The following NDRG3 variants were observed in gnomAD, a reference collection of about 807,000 sequenced individuals.
NDRG3 encodes NDRG family member 3, also known as protein NDRG3.
NDRG3 carries 23 observed loss-of-function variants against 57.2 expected under a neutral mutation model. The ratio of observed to expected loss-of-function variants is 0.40; its 90% CI spans 0.29 to 0.57. The LOEUF (loss-of-function observed/expected upper bound fraction) is 0.57. NDRG3 is among the 20% of genes least tolerant of loss of function. The probability of loss-of-function intolerance (pLI) is 0.42; values close to 1 mark genes in which losing one functional copy is unlikely to be tolerated. For synonymous variants in NDRG3, 132 were observed against 162.6 expected, an observed-to-expected ratio of 0.81 and a Z score of 1.43; for missense variants, 384 against 457.3, an observed-to-expected ratio of 0.84 and a Z score of 1.46.
intron 3 of NDRG3, among the ~76,000 whole-genome samples, chr20:36,704,519 T>C (rs947599559): frequency 6.6e-5 from 10 of 152,182 alleles, no homozygotes; most frequent in African/African-American, 2.2e-4. Flanking sequence ...CTCTCTAATG[T>C]TTTCCTTCTT....
intron 3 of NDRG3, 58 bp downstream of exon 3, chr20:36,706,910 CAGGA>C: frequency 1.4e-6 from 2 of 1,432,828 alleles, no homozygotes; most frequent in Non-Finnish European, 1.9e-6. Context: ...ACCACCACCA[CAGGA>C]AAGGAAACAC....
chr20:36,690,220 C>A (rs1180369028), intron 3 of NDRG3, among the ~76,000 whole-genome samples: 1 of 152,236 alleles, frequency 6.6e-6, no homozygotes, highest in East Asian at 1.9e-4. Flanking sequence ...CCTAAAAGAT[C>A]TTAACCAAGC....
intron 3 of NDRG3, among the ~76,000 whole-genome samples, chr20:36,706,626 C>A (rs1983563773): frequency 6.6e-6 from 1 of 152,168 alleles, no homozygotes; most frequent in Non-Finnish European, 1.5e-5. Context: ...GCCTCAGCCT[C>A]CTGAGTAGCT....
chr20:36,688,666 A>C lies in NDRG3; in HGVS notation c.199+13T>G. ...GTATGATAAGAAGGGAAGGTGTAAAATAAAATACATACGGTTGAGGCCAAT... is the reference window on the plus strand; with the variant it reads ...GTATGATAAGAAGGGAAGGTGTAAACTAAAATACATACGGTTGAGGCCAAT... On this transcript the variant is annotated intron_variant, in intron 4 of 15. Coordinates refer to ENST00000349004, the MANE Select transcript of NDRG3 (RefSeq NM_032013.4). 1 of 1,576,126 alleles carries C rather than the reference A, an allele frequency of 6.3e-7. No individual in the cohort carries two copies. The highest frequency in any genetic ancestry group is 8.7e-7 in the Non-Finnish European group (1 of 1,145,520).
chr20:36,677,098 A>G (rs1180340420), intron 8 of NDRG3, among the ~76,000 whole-genome samples: 22 of 152,130 alleles, frequency 1.4e-4, no homozygotes, highest in Non-Finnish European at 2.5e-4. Flanking sequence ...GGCTCCGGGA[A>G]GCGAGCAGGA....
intron 8 of NDRG3, among the ~76,000 whole-genome samples, chr20:36,672,541 A>G (rs982240399): frequency 6.6e-6 from 1 of 152,200 alleles, no homozygotes; most frequent in African/African-American, 2.4e-5. Flanking sequence ...GAACTATAGA[A>G]AAGTAGGCTG....
At chr20:36,733,164 AAAAAAAAATATATAT>A (rs1383646919) in intron 1 of NDRG3, among the ~76,000 whole-genome samples, 11 of 51,384 alleles carry the variant, frequency 2.1e-4, no homozygotes, top group South Asian at 8.4e-4. Flanking sequence ...AAAAAAAAAA[AAAAAAAAATATATAT>A]ATATATATAT....
At chr20:36,706,864 CATT>C in intron 3 of NDRG3, 105 bp downstream of exon 3, 4 of 925,882 alleles carry the variant, frequency 4.3e-6, no homozygotes, top group Non-Finnish European at 6.7e-6. Context: ...ATTAAGGACT[CATT>C]ATTAGCTATA....
chr20:36,686,815 G>C (rs886993353), intron 5 of NDRG3, among the ~76,000 whole-genome samples: 1 of 152,192 alleles, frequency 6.6e-6, no homozygotes, highest in African/African-American at 2.4e-5. Context: ...AGCTCAGAGA[G>C]ATCTGAATTT....
At position 36,685,292 on chromosome 20, in the gene NDRG3, TTTA is replaced by T. The variant is rs534950226; in HGVS notation, c.321-820_321-818del. 7.2e-3 allele frequency among the ~76,000 whole-genome samples: 1,079 copies of T among 150,570 alleles called. 9 individuals carry two copies. Among genetic ancestry groups the T allele is most frequent in the African/African-American group, 0.023 (938 of 41,012 alleles). ...AGAATAACATAGTTATTTTTAAAATTTTATTATTATTATTATTATTATTATTAA... is the reference window on the plus strand; with the variant it reads ...AGAATAACATAGTTATTTTTAAAATTTTATTATTATTATTATTATTATTAA... On this transcript the variant is annotated intron_variant, in intron 5 of 15. Coordinates refer to ENST00000349004, the MANE Select transcript of NDRG3 (RefSeq NM_032013.4).
chr20:36,712,583 ATATAT>A (rs1568660399), intron 2 of NDRG3, among the ~76,000 whole-genome samples: 1 of 10,926 alleles, frequency 9.2e-5, no homozygotes, highest in African/African-American at 3.5e-4. Context: ...ATATATATAT[ATATAT>A]TTTTTTTTTT....
intron 2 of NDRG3, among the ~76,000 whole-genome samples, chr20:36,710,836 C>A (rs1475479501): frequency 6.7e-5 from 9 of 134,140 alleles, no homozygotes; most frequent in African/African-American, 2.5e-4. Context: ...AAAAGTCAGT[C>A]AGGCATGGTG....
chr20:36,717,279 T>C (rs934248133), intron 2 of NDRG3, among the ~76,000 whole-genome samples: 10 of 152,222 alleles, frequency 6.6e-5, no homozygotes, highest in Non-Finnish European at 1.3e-4. Flanking sequence ...CAAAGCTATA[T>C]TGAGAATGCC....
At chr20:36,722,222 G>C (rs1217724917) in intron 1 of NDRG3, among the ~76,000 whole-genome samples, 1 of 152,146 alleles carries the variant, frequency 6.6e-6, no homozygotes, top group Non-Finnish European at 1.5e-5. Context: ...GCAAGAAACT[G>C]AGACCTTCAG....
chr20:36,675,384 T>G (rs1420797446), intron 8 of NDRG3, among the ~76,000 whole-genome samples: 3 of 137,684 alleles, frequency 2.2e-5, no homozygotes, highest in African/African-American at 9.0e-5. Flanking sequence ...TTTTAAGTTG[T>G]TTTTTTTTGG....
At chr20:36,700,950 T>G (rs1253395456) in intron 3 of NDRG3, among the ~76,000 whole-genome samples, 2 of 151,964 alleles carry the variant, frequency 1.3e-5, no homozygotes, top group Non-Finnish European at 1.5e-5. Flanking sequence ...ATTTTTAAAT[T>G]TTTTGCAGAG....
At chr20:36,695,510 C>T (rs1436228132) in intron 3 of NDRG3, among the ~76,000 whole-genome samples, 1 of 152,202 alleles carries the variant, frequency 6.6e-6, no homozygotes, top group East Asian at 1.9e-4. Flanking sequence ...GAAAAGAACG[C>T]ATTCCTGGGG....
chr20:36,701,833 C>T (rs1983247407), intron 3 of NDRG3, among the ~76,000 whole-genome samples: 1 of 149,858 alleles, frequency 6.7e-6, no homozygotes, highest in South Asian at 2.1e-4. Flanking sequence ...CAGGCGTGAG[C>T]CACTGTGCCC....
rs750853287 is a variant in NDRG3, at chr20:36,671,390, C to G, written c.539G>C (p.Gly180Ala). 4.3e-6 allele frequency: 7 copies of G among 1,613,506 alleles called. No homozygotes were observed. Among genetic ancestry groups the G allele is most frequent in the Non-Finnish European group, 8.5e-7 (1 of 1,179,664 alleles). ...WIDWAASKLS[G>A]LTTNVVDIIL... The stretch of plus-strand genomic sequence containing the variant: ...AATGTCCACAACATTGGTTGTCAGG[C>G]CAGAGAGCTGAAAAGATAAAAACTC... The change falls in exon 9 of 16, where the codon GGC becomes GCC. Residue 180 changes from glycine to alanine, a missense_variant. Coordinates refer to ENST00000349004, the MANE Select transcript of NDRG3 (RefSeq NM_032013.4).
Sources: gnomAD v4.1 joint callset for allele counts (sites outside exome capture counted in the v4.1 genomes callset) on GRCh38, gnomAD v4.1.1 for gene constraint, MANE v1.5 for transcripts, NCBI Gene and HGNC (gene_info 2026-07-23, HGNC 2026-07-21) for gene names.